The following KCNQ5 variants were observed in gnomAD, a reference collection of about 807,000 sequenced individuals.
The protein encoded by KCNQ5 is potassium voltage-gated channel subfamily Q member 5.
Under a neutral mutation model 98.2 loss-of-function variants are expected in KCNQ5, and 30 were observed. The ratio of observed to expected loss-of-function variants is 0.31; its 90% CI spans 0.23 to 0.41. The LOEUF (loss-of-function observed/expected upper bound fraction) is 0.41, where lower values mean the gene tolerates loss of function less well. Ranked by LOEUF, KCNQ5 falls within the 10% of genes least tolerant of loss-of-function variation. KCNQ5 has a pLI of 1.00. For synonymous variants in KCNQ5, 458 were observed against 449.4 expected (o/e 1.02, Z -0.24); for missense variants, 835 against 1,182.5 (o/e 0.71, Z 4.31).
intron 5 of KCNQ5, among the ~76,000 whole-genome samples, chr6:73,094,827 G>A (rs1774411962): frequency 6.6e-6 from 1 of 152,130 alleles, no homozygotes; most frequent in African/African-American, 2.4e-5. Context: ...TAGGTTACCA[G>A]GTACTTTTGT....
chr6:73,009,661 C>T (rs186557674), intron 2 of KCNQ5, among the ~76,000 whole-genome samples: 311 of 152,054 alleles, frequency 2.0e-3, no homozygotes, highest in Non-Finnish European at 2.9e-3. Flanking sequence ...AAAGAATACT[C>T]GAATTAATAG....
In KCNQ5 at chr6:73,060,508, T is replaced by C. The variant is rs113067226; in HGVS notation, c.617-16814T>C. Among the ~76,000 whole-genome samples the C allele has an allele frequency of 4.5e-3, 692 of 152,214 alleles. 4 individuals carry two copies. The highest frequency in any genetic ancestry group is 0.016 in the African/African-American group (660 of 41,558). On this transcript the variant is annotated intron_variant, in intron 3 of 13. Coordinates refer to ENST00000370398, the MANE Select transcript of KCNQ5 (RefSeq NM_019842.4). ...TTAGAACCTTGGAATCTGGAAAGAT[T>C]TTCTAATTATAACTAAAAATACAAA...
chr6:72,686,938 T>G (rs964397303), intron 1 of KCNQ5, among the ~76,000 whole-genome samples: 1 of 152,162 alleles, frequency 6.6e-6, no homozygotes, highest in African/African-American at 2.4e-5. Flanking sequence ...AGGGCTAAAT[T>G]ATATGATTCT....
At chr6:72,897,962 A>G (rs1779315546) in intron 1 of KCNQ5, among the ~76,000 whole-genome samples, 2 of 152,230 alleles carry the variant, frequency 1.3e-5, no homozygotes, top group Non-Finnish European at 2.9e-5. Flanking sequence ...TCATACTACC[A>G]AAACAGACCA....
rs575783283 is a variant in KCNQ5, at chr6:72,763,880, G to C, written c.398+141293G>C. 7.2e-5 allele frequency among the ~76,000 whole-genome samples: 11 copies of C among 152,052 alleles called. No homozygotes were observed. In the South Asian group the frequency reaches 2.1e-3, roughly 29 times the overall value. On this transcript the variant is annotated intron_variant, in intron 1 of 13. Transcript: ENST00000370398. ...GGTTGAATTCTGATTCCACCATTTT[G>C]TTGTCCTGTATCCTTGAGAAAGTAT...
chr6:73,012,523 GA>G (rs1483655118), intron 2 of KCNQ5, among the ~76,000 whole-genome samples: 1 of 152,082 alleles, frequency 6.6e-6, no homozygotes, highest in East Asian at 1.9e-4. Context: ...ATTACAAGAA[GA>G]AAAGAGTTAG....
intron 1 of KCNQ5, among the ~76,000 whole-genome samples, chr6:72,773,196 G>A (rs1320957567): frequency 2.0e-5 from 3 of 152,082 alleles, no homozygotes; most frequent in Admixed American, 6.6e-5. Context: ...GTTTATTGCA[G>A]CACTATTTAC....
At chr6:72,870,919 T>A (rs1221773301) in intron 1 of KCNQ5, among the ~76,000 whole-genome samples, 2 of 152,210 alleles carry the variant, frequency 1.3e-5, no homozygotes, top group East Asian at 3.8e-4. Flanking sequence ...ATTTCTCTGC[T>A]GCTTCAGTTT....
rs555677788 is a variant in KCNQ5, at chr6:73,005,650, TG to T, written c.489+1654del. ...TTAAAACCTGTTAAATAGTGAACAA[TG>T]GATCAGAGTTTAGTAACTAGAGTGC... On this transcript the variant is annotated intron_variant, in intron 2 of 13. Coordinates refer to ENST00000370398, the MANE Select transcript of KCNQ5 (RefSeq NM_019842.4). 2.2e-3 allele frequency among the ~76,000 whole-genome samples: 332 copies of T among 152,324 alleles called. 3 individuals carry two copies. The highest frequency in any genetic ancestry group is 0.019 in the East Asian group (98 of 5,172).
intron 1 of KCNQ5, among the ~76,000 whole-genome samples, chr6:72,699,729 C>T (rs1768697668): frequency 6.6e-6 from 1 of 152,068 alleles, no homozygotes; most frequent in African/African-American, 2.4e-5. Flanking sequence ...TAGTTTAGTT[C>T]ATGTTGGGAT....
intron 1 of KCNQ5, among the ~76,000 whole-genome samples, chr6:72,687,098 A>G (rs184466537): frequency 2.6e-5 from 4 of 152,314 alleles, no homozygotes; most frequent in Admixed American, 2.6e-4. Context: ...GAATCTATAA[A>G]TTACATTTAT....
chr6:72,823,713 C>T (rs903971546), intron 1 of KCNQ5, among the ~76,000 whole-genome samples: 2 of 152,086 alleles, frequency 1.3e-5, no homozygotes, highest in Admixed American at 6.6e-5. Context: ...GTGACACCCC[C>T]GAAGTTGCAC....
At chr6:73,030,338 C>A (rs550018790) in intron 2 of KCNQ5, among the ~76,000 whole-genome samples, 1 of 152,194 alleles carries the variant, frequency 6.6e-6, no homozygotes, top group Non-Finnish European at 1.5e-5. Flanking sequence ...AGATTTCTGC[C>A]TTTCCTGTTC....
At chr6:72,915,961 G>C (rs1422268952) in intron 1 of KCNQ5, among the ~76,000 whole-genome samples, 1 of 152,148 alleles carries the variant, frequency 6.6e-6, no homozygotes, top group Non-Finnish European at 1.5e-5. Context: ...AGAATTTCTA[G>C]TGCAAGCAGA....
intron 3 of KCNQ5, among the ~76,000 whole-genome samples, chr6:73,042,599 A>G (rs1210854184): frequency 6.6e-6 from 1 of 152,122 alleles, no homozygotes; most frequent in Non-Finnish European, 1.5e-5. Context: ...TGCTTAATGC[A>G]TTGGTAACTG....
intron 1 of KCNQ5, among the ~76,000 whole-genome samples, chr6:72,945,501 C>T (rs925969396): frequency 2.7e-5 from 4 of 146,724 alleles, no homozygotes; most frequent in African/African-American, 1.0e-4. Context: ...GTCACCCATG[C>T]TGGAGTGCAG....
At chr6:72,822,205 C>A (rs1562005364) in intron 1 of KCNQ5, among the ~76,000 whole-genome samples, 1 of 152,156 alleles carries the variant, frequency 6.6e-6, no homozygotes, top group African/African-American at 2.4e-5. Context: ...CCTAAGAATG[C>A]AACTCCCAGG....
chr6:72,904,897 T>G (rs1779642646), intron 1 of KCNQ5, among the ~76,000 whole-genome samples: 1 of 152,206 alleles, frequency 6.6e-6, no homozygotes, highest in African/African-American at 2.4e-5. Context: ...TCTTTGTGCT[T>G]CTTGTATTTG....
intron 1 of KCNQ5, among the ~76,000 whole-genome samples, chr6:72,658,832 A>T (rs1287597572): frequency 6.6e-6 from 1 of 152,102 alleles, no homozygotes; most frequent in Non-Finnish European, 1.5e-5. Flanking sequence ...CACCTGCCTC[A>T]GCCTTCCAAA....
Sources: allele counts gnomAD v4.1 joint callset (sites outside exome capture counted in the v4.1 genomes callset), GRCh38; gene constraint gnomAD v4.1.1; transcripts MANE v1.5; gene names NCBI Gene and HGNC (gene_info 2026-07-23, HGNC 2026-07-21).